The following MACROD2 variants were observed in gnomAD, a reference collection of about 807,000 sequenced individuals.
The protein encoded by MACROD2 is ADP-ribose glycohydrolase MACROD2.
Under a neutral mutation model 70.4 loss-of-function variants are expected in MACROD2, and 36 were observed. The observed-to-expected ratio is 0.51, with a 90% CI of 0.39 to 0.68. The LOEUF is 0.68. Ranked by LOEUF, MACROD2 falls within the 30% of genes least tolerant of loss-of-function variation. The pLI is 0.00. For missense variants in MACROD2, 496 were observed against 538.4 expected, an observed-to-expected ratio of 0.92 and a Z score of 0.78; for synonymous variants, 172 against 178.8, an observed-to-expected ratio of 0.96 and a Z score of 0.30.
chr20:14,487,983 A>G (rs1197025796), intron 3 of MACROD2, among the ~76,000 whole-genome samples: 1 of 152,232 alleles, frequency 6.6e-6, no homozygotes, highest in Non-Finnish European at 1.5e-5. Context: ...TAGGTAAGAT[A>G]ATATTTTTAA....
intron 5 of MACROD2, among the ~76,000 whole-genome samples, chr20:15,134,033 C>T (rs1324277790): frequency 3.4e-5 from 5 of 148,950 alleles, no homozygotes; most frequent in Admixed American, 3.3e-4. Flanking sequence ...CAGCCTCCCG[C>T]GTAGCTGGGA....
At chr20:14,530,536 G>GAA (rs546579219) in intron 4 of MACROD2, among the ~76,000 whole-genome samples, 1 of 152,112 alleles carries the variant, frequency 6.6e-6, no homozygotes, top group African/African-American at 2.4e-5. Context: ...TATTCTGGCA[G>GAA]AAAAAATCTG....
chr20:16,031,913 A>C (rs368436446), intron 15 of MACROD2, among the ~76,000 whole-genome samples: 8 of 152,220 alleles, frequency 5.3e-5, no homozygotes, highest in East Asian at 1.9e-4. Context: ...GAGCAAAGAG[A>C]GAGAATGAAA....
At chr20:15,662,721 T>G (rs1202494096) in intron 8 of MACROD2, among the ~76,000 whole-genome samples, 1 of 152,090 alleles carries the variant, frequency 6.6e-6, no homozygotes, top group South Asian at 2.1e-4. Context: ...GAGGGTTTTT[T>G]TTTTTTCTGT....
intron 8 of MACROD2, among the ~76,000 whole-genome samples, chr20:15,536,257 A>G (rs1402303137): frequency 2.0e-5 from 3 of 152,194 alleles, no homozygotes; most frequent in Non-Finnish European, 4.4e-5. Context: ...TTTGTTCTTT[A>G]CTGAAAGGCC....
chr20:14,889,987 G>A (rs541640435), intron 5 of MACROD2, among the ~76,000 whole-genome samples: 1 of 152,254 alleles, frequency 6.6e-6, no homozygotes, highest in Non-Finnish European at 1.5e-5. Flanking sequence ...GCTTGCAGTA[G>A]AAGTGATAAA....
intron 4 of MACROD2, among the ~76,000 whole-genome samples, chr20:14,559,092 C>T (rs1979252570): frequency 6.6e-6 from 1 of 151,672 alleles, no homozygotes. Context: ...ATGAGAAGAT[C>T]TCTACCTAAA....
chr20:14,213,282 T>A (rs376998737), intron 3 of MACROD2, among the ~76,000 whole-genome samples: 1 of 138,252 alleles, frequency 7.2e-6, no homozygotes, highest in Non-Finnish European at 1.5e-5. Context: ...AATGGTAAGG[T>A]TAGTGTGAAG....
At chr20:15,071,852 TG>T (rs1345532548) in intron 5 of MACROD2, among the ~76,000 whole-genome samples, 1 of 152,182 alleles carries the variant, frequency 6.6e-6, no homozygotes, top group East Asian at 1.9e-4. Flanking sequence ...AAAACATGTT[TG>T]TGGTTGGCTG....
At chr20:15,779,627 GTTGT>G (rs945896064) in intron 8 of MACROD2, among the ~76,000 whole-genome samples, 1 of 152,090 alleles carries the variant, frequency 6.6e-6, no homozygotes. Flanking sequence ...GGAATTTAAG[GTTGT>G]TTGTTTGTTT....
chr20:14,304,053 A>G (rs2082498939), intron 3 of MACROD2, among the ~76,000 whole-genome samples: 2 of 152,212 alleles, frequency 1.3e-5, no homozygotes, highest in African/African-American at 4.8e-5. Flanking sequence ...TTTCCATGAT[A>G]AAGAAATGAG....
At chr20:15,812,358 C>T (rs1332941298) in intron 8 of MACROD2, among the ~76,000 whole-genome samples, 1 of 152,160 alleles carries the variant, frequency 6.6e-6, no homozygotes, top group East Asian at 1.9e-4. Flanking sequence ...ACTCATGCTC[C>T]ATTGATCCTC....
At chr20:15,237,405 C>T (rs1362860125) in intron 6 of MACROD2, among the ~76,000 whole-genome samples, 1 of 152,132 alleles carries the variant, frequency 6.6e-6, no homozygotes, top group Non-Finnish European at 1.5e-5. Flanking sequence ...TTCTTCATTG[C>T]GTGTTCTAGT....
At chr20:15,458,372 A>G (rs2046759152) in intron 7 of MACROD2, among the ~76,000 whole-genome samples, 1 of 152,118 alleles carries the variant, frequency 6.6e-6, no homozygotes, top group Non-Finnish European at 1.5e-5. Context: ...TCAGGACGAT[A>G]TTTGGATTCC....
intron 7 of MACROD2, among the ~76,000 whole-genome samples, chr20:15,431,648 A>G (rs557575691): frequency 6.0e-4 from 92 of 152,182 alleles, no homozygotes; most frequent in African/African-American, 2.1e-3. Flanking sequence ...ACATGAAATT[A>G]TTTGATACAT....
At chr20:15,933,529 C>T in intron 11 of MACROD2, 191 bp downstream of exon 11, 1 of 515,772 alleles carries the variant, frequency 1.9e-6, no homozygotes, top group Non-Finnish European at 3.5e-6. Flanking sequence ...CAGAGTGGCA[C>T]ATTCTCACAT....
At chr20:15,063,569 A>G (rs1260362980) in intron 5 of MACROD2, among the ~76,000 whole-genome samples, 1 of 152,182 alleles carries the variant, frequency 6.6e-6, no homozygotes, top group Non-Finnish European at 1.5e-5. Flanking sequence ...AGTCTAAAAG[A>G]AAAGTATCAG....
chr20:14,921,161 G>A (rs1226425814), intron 5 of MACROD2, among the ~76,000 whole-genome samples: 1 of 152,130 alleles, frequency 6.6e-6, no homozygotes, highest in Non-Finnish European at 1.5e-5. Flanking sequence ...TGTGTATTGG[G>A]TGTTTGGGGA....
intron 5 of MACROD2, among the ~76,000 whole-genome samples, chr20:14,911,553 T>A (rs6074816): frequency 0.027 from 4,034 of 151,242 alleles, 84 homozygotes; most frequent in Non-Finnish European, 0.042. Context: ...ACTTTTAAAC[T>A]TTTTTTTTAA....
Sources: allele counts gnomAD v4.1 joint callset (sites outside exome capture counted in the v4.1 genomes callset), GRCh38; gene constraint gnomAD v4.1.1; transcripts MANE v1.5; gene names NCBI Gene and HGNC (gene_info 2026-07-23, HGNC 2026-07-21).